Variants in GTF2B observed in about 807,000 individuals in gnomAD.
GTF2B encodes the protein general transcription factor IIB.
GTF2B carries 20 observed loss-of-function variants against 34.6 expected under a neutral mutation model. The observed-to-expected ratio is 0.58, with a 90% CI of 0.41 to 0.84. The LOEUF (loss-of-function observed/expected upper bound fraction) is 0.84. Ranked by LOEUF, GTF2B falls within the 40% of genes least tolerant of loss-of-function variation. The probability of loss-of-function intolerance (pLI) is 0.00; values close to 1 mark genes in which losing one functional copy is unlikely to be tolerated. For missense variants in GTF2B, 237 were observed against 393.3 expected (o/e 0.60, Z 3.36); for synonymous variants, 142 against 132.4 (o/e 1.07, Z -0.50).
chr1:88,864,174 T>C (rs1557654913), intron 2 of GTF2B, 60 bp from the exon 3 acceptor site: 3 of 1,515,038 alleles, frequency 2.0e-6, no homozygotes, highest in Non-Finnish European at 2.7e-6. Flanking sequence ...TTAACTACAC[T>C]GTCCAATGCC....
In GTF2B at chr1:88,872,842, C is replaced by T. The variant is rs12094261; in HGVS notation, c.125-8728G>A. On this transcript the variant is annotated intron_variant, in intron 2 of 6. Transcript: ENST00000370500. ...CTTGTGCTGTGTTACTTTTTTCTGA[C>T]ATTTAATAGAAATCTTCCATAATAT... is the stretch of plus-strand genomic sequence containing the variant. Among the ~76,000 whole-genome samples, 1,077 of 152,196 alleles carry T rather than the reference C, an allele frequency of 7.1e-3. 14 individuals carry two copies. The highest frequency in any genetic ancestry group is 0.025 in the African/African-American group (1,028 of 41,510).
intron 2 of GTF2B, among the ~76,000 whole-genome samples, chr1:88,886,685 G>C (rs1674075725): frequency 6.6e-6 from 1 of 152,080 alleles, no homozygotes; most frequent in Non-Finnish European, 1.5e-5. Flanking sequence ...TTCAGACTAA[G>C]GACTTATGAA....
chr1:88,890,461 A>C (rs776364807), intron 1 of GTF2B, among the ~76,000 whole-genome samples: 3 of 152,248 alleles, frequency 2.0e-5, no homozygotes, highest in Non-Finnish European at 4.4e-5. Context: ...TGTGAAATTA[A>C]CCAATTCCAC....
intron 2 of GTF2B, among the ~76,000 whole-genome samples, chr1:88,884,568 T>C (rs189263219): frequency 6.6e-6 from 1 of 152,372 alleles, no homozygotes; most frequent in Non-Finnish European, 1.5e-5. Flanking sequence ...TAACCTATCA[T>C]TGGTAAATGG....
Position 88,860,153 on chromosome 1 carries a change from G to A in GTF2B, c.392C>T (p.Pro131Leu). 6.2e-7 allele frequency: 1 copy of A among 1,614,072 alleles called. No homozygotes were observed. Among genetic ancestry groups the A allele is most frequent in the Non-Finnish European group, 8.5e-7 (1 of 1,179,962 alleles). The change falls in exon 4 of 7, where the codon CCT becomes CTT. Residue 131 changes from proline (P) to leucine (L), a missense_variant. Physicochemically the swap from Pro to Leu is moderately conservative, Grantham distance 98. Around this residue, in one of 3 missense-constraint regions of GTF2B, gnomAD observed 130 missense variants for 170.9 expected, o/e 0.76. Coordinates refer to ENST00000370500, the MANE Select transcript of GTF2B (RefSeq NM_001514.6). ...ITTMADRINL[P>L]RNIVDRTNNL... ...ACAAGAACTTACAACTATATTTCGA[G>A]GTAGATTGATTCTGTCTGCCATGGT... is the stretch of plus-strand genomic sequence containing the variant.
At chr1:88,860,606 G>C (rs571875326) in intron 3 of GTF2B, among the ~76,000 whole-genome samples, 94 of 152,144 alleles carry the variant, frequency 6.2e-4, no homozygotes, top group Non-Finnish European at 1.0e-3. Flanking sequence ...CATATTAAAA[G>C]GTAGTATATC....
At chr1:88,859,811 G>A in intron 5 of GTF2B, 71 bp downstream of exon 5, 1 of 1,416,926 alleles carries the variant, frequency 7.1e-7, no homozygotes, top group Non-Finnish European at 9.8e-7. Flanking sequence ...ACTCTGGCCT[G>A]GGCGACAAAG....
chr1:88,878,134 G>A (rs1570732448), intron 2 of GTF2B, among the ~76,000 whole-genome samples: 4 of 152,216 alleles, frequency 2.6e-5, no homozygotes, highest in African/African-American at 2.4e-5. Flanking sequence ...GCCAGGTGTG[G>A]TGCTGTGTGC....
chr1:88,885,458 A>C (rs1338330605), intron 2 of GTF2B, among the ~76,000 whole-genome samples: 1 of 150,726 alleles, frequency 6.6e-6, no homozygotes, highest in Non-Finnish European at 1.5e-5. Flanking sequence ...TATCAAAAAA[A>C]AAACTTTGGC....
intron 2 of GTF2B, among the ~76,000 whole-genome samples, chr1:88,871,350 A>T (rs1259047400): frequency 1.3e-5 from 2 of 152,182 alleles, no homozygotes; most frequent in Non-Finnish European, 2.9e-5. Context: ...TTTCTTATTC[A>T]CATTACATGT....
intron 6 of GTF2B, among the ~76,000 whole-genome samples, chr1:88,856,470 A>G (rs1365510787): frequency 6.6e-6 from 1 of 152,048 alleles, no homozygotes; most frequent in Non-Finnish European, 1.5e-5. Context: ...ACAGAATGTT[A>G]AAGGCTGATG....
At chr1:88,875,467 A>G (rs17130642) in intron 2 of GTF2B, among the ~76,000 whole-genome samples, 17,727 of 152,166 alleles carry the variant, frequency 0.12, 2,486 homozygotes, top group African/African-American at 0.34. Flanking sequence ...GGTCGATAGG[A>G]GCAGCAGCAT....
chr1:88,888,024 CTTTT>C (rs1175425968), intron 1 of GTF2B: 1 of 152,156 alleles, frequency 6.6e-6, no homozygotes, highest in Non-Finnish European at 1.5e-5. Context: ...ACACATTCAT[CTTTT>C]TTTGACACAT....
At chr1:88,863,201 C>T (rs1673482912) in intron 3 of GTF2B, among the ~76,000 whole-genome samples, 1 of 152,120 alleles carries the variant, frequency 6.6e-6, no homozygotes, top group Admixed American at 6.5e-5. Flanking sequence ...TCATGAAACC[C>T]TCAAAAACTC....
chr1:88,853,220 T>C lies in GTF2B; in HGVS notation c.944A>G (p.Gln315Arg). The C allele has an allele frequency of 6.2e-7, 1 of 1,613,926 alleles. No individual in the cohort carries two copies. Among genetic ancestry groups the C allele is most frequent in the Non-Finnish European group, 8.5e-7 (1 of 1,179,810 alleles). Residue 315 changes from glutamine to arginine, a missense_variant, in exon 7 of 7, where the codon CAG becomes CGG. Gln to Arg is a conservative substitution (Grantham distance 43). This residue lies in a region of GTF2B where 78 missense variants were observed against 116.6 expected (regional missense o/e 0.67). Coordinates refer to ENST00000370500, the MANE Select transcript of GTF2B (RefSeq NM_001514.6). Reference protein sequence around the residue: ...KFDTPVDKLPQL With the variant: ...KFDTPVDKLPRL ...GACGTTAGCTGCCTCAATTTATAGCTGTGGTAGTTTGTCCACTGGGGTGTC... is the reference window on the plus strand; with the variant it reads ...GACGTTAGCTGCCTCAATTTATAGCCGTGGTAGTTTGTCCACTGGGGTGTC...
intron 2 of GTF2B, among the ~76,000 whole-genome samples, chr1:88,875,149 G>C (rs1423987829): frequency 6.6e-6 from 1 of 152,146 alleles, no homozygotes; most frequent in African/African-American, 2.4e-5. Context: ...ATTTTGAAGA[G>C]AATGCTGACC....
chr1:88,869,393 C>T (rs1372606446), intron 2 of GTF2B, among the ~76,000 whole-genome samples: 1 of 152,086 alleles, frequency 6.6e-6, no homozygotes, highest in Non-Finnish European at 1.5e-5. Context: ...AAAATGTGTA[C>T]AATGGAATAT....
At chr1:88,873,664 C>T (rs147127753) in intron 2 of GTF2B, among the ~76,000 whole-genome samples, 2 of 152,260 alleles carry the variant, frequency 1.3e-5, no homozygotes, top group African/African-American at 4.8e-5. Context: ...GATAAGTTAT[C>T]CTTACTATGG....
chr1:88,871,032 G>C (rs1482657415), intron 2 of GTF2B, among the ~76,000 whole-genome samples: 1 of 151,720 alleles, frequency 6.6e-6, no homozygotes, highest in Non-Finnish European at 1.5e-5. Flanking sequence ...CTCCTGAGTA[G>C]CTGGGACTAC....
Sources: allele counts gnomAD v4.1 joint callset (sites outside exome capture counted in the v4.1 genomes callset), GRCh38; gene constraint gnomAD v4.1.1; regional missense constraint gnomAD v4.1.1; transcripts MANE v1.5; gene names NCBI Gene and HGNC (gene_info 2026-07-23, HGNC 2026-07-21).